Variants in CHLSN observed in about 807,000 individuals in gnomAD.
CHLSN encodes the protein protein cholesin.
At chr7:1,014,916 G>A in the CHLSN span, among the ~76,000 whole-genome samples, 4 of 152,236 alleles carry the variant, frequency 2.6e-5, no homozygotes, top group Admixed American at 2.0e-4. Flanking sequence ...GGCCCTCCCT[G>A]CCCTGCAGGG....
At chr7:1,011,625 TACAC>T in the CHLSN span, among the ~76,000 whole-genome samples, 1 of 122,050 alleles carries the variant, frequency 8.2e-6, no homozygotes, top group Non-Finnish European at 1.7e-5. Context: ...CACACCCAGA[TACAC>T]ACCCAGACAC....
chr7:996,075 G>T, the CHLSN span, among the ~76,000 whole-genome samples: 1 of 152,234 alleles, frequency 6.6e-6, no homozygotes, highest in South Asian at 2.1e-4. Flanking sequence ...TGTCTTCAGG[G>T]AGCTAAGGAG....
chr7:1,040,182 TTAAA>T, the CHLSN span, among the ~76,000 whole-genome samples: 21,742 of 95,950 alleles, frequency 0.23, 3,145 homozygotes, highest in Admixed American at 0.28. Flanking sequence ...AAAAATAAAT[TTAAA>T]AAAAAAAAAA....
the CHLSN span, among the ~76,000 whole-genome samples, chr7:1,098,616 G>A: frequency 6.6e-6 from 1 of 152,028 alleles, no homozygotes; most frequent in African/African-American, 2.4e-5. Flanking sequence ...AAGCAGACAC[G>A]AGTGGAGCTG....
chr7:1,113,725 G>A, the CHLSN span, among the ~76,000 whole-genome samples: 1 of 152,108 alleles, frequency 6.6e-6, no homozygotes, highest in Admixed American at 6.5e-5. Flanking sequence ...CTGATTTTCC[G>A]ACAGCGTGCC....
chr7:1,000,391 G>A, the CHLSN span: 1 of 1,205,964 alleles, frequency 8.3e-7, no homozygotes, highest in Non-Finnish European at 1.1e-6. Context: ...ACACACCTCA[G>A]CCCCCGGGGG....
chr7:1,048,288 G>A, the CHLSN span, among the ~76,000 whole-genome samples: 3 of 152,188 alleles, frequency 2.0e-5, no homozygotes, highest in East Asian at 5.8e-4. Flanking sequence ...AAGCAACAGA[G>A]GAAAGAACTT....
chr7:997,831 C>A, the CHLSN span: 2 of 1,593,292 alleles, frequency 1.3e-6, no homozygotes, highest in South Asian at 2.2e-5. Flanking sequence ...TCGAGTTGGT[C>A]AGGGGCGGGG....
the CHLSN span, among the ~76,000 whole-genome samples, chr7:1,017,571 C>T: frequency 5.9e-5 from 9 of 152,164 alleles, no homozygotes; most frequent in Non-Finnish European, 1.0e-4. Context: ...CTCCACACAG[C>T]GGGGTGGAGG....
chr7:1,064,522 C>T, the CHLSN span, among the ~76,000 whole-genome samples: 11 of 152,158 alleles, frequency 7.2e-5, no homozygotes, highest in African/African-American at 9.7e-5. Flanking sequence ...AGCGCCTAAA[C>T]GCAACACCCT....
chr7:1,002,141 GA>G, the CHLSN span, among the ~76,000 whole-genome samples: 5 of 136,684 alleles, frequency 3.7e-5, no homozygotes, highest in Admixed American at 7.1e-5. Context: ...CCCTGTGGGT[GA>G]GTGGAGTCCT....
chr7:1,071,580 A>G, the CHLSN span, among the ~76,000 whole-genome samples: 1 of 151,866 alleles, frequency 6.6e-6, no homozygotes, highest in Non-Finnish European at 1.5e-5. Context: ...GAGGGAGGAG[A>G]AGTACCACTG....
At chr7:1,030,274 A>G in the CHLSN span, among the ~76,000 whole-genome samples, 1 of 152,138 alleles carries the variant, frequency 6.6e-6, no homozygotes, top group African/African-American at 2.4e-5. Context: ...TGCCGTCTTC[A>G]CCAACGCACC....
At chr7:1,004,353 C>T in the CHLSN span, among the ~76,000 whole-genome samples, 2 of 152,150 alleles carry the variant, frequency 1.3e-5, no homozygotes, top group African/African-American at 2.4e-5. Context: ...CAGCCTGTTT[C>T]CTCCTTGGGA....
At chr7:1,068,824 G>A in the CHLSN span, among the ~76,000 whole-genome samples, 1 of 152,134 alleles carries the variant, frequency 6.6e-6, no homozygotes, top group African/African-American at 2.4e-5. Context: ...CGCATTGTGG[G>A]CTGCAACAAA....
the CHLSN span, among the ~76,000 whole-genome samples, chr7:1,118,210 G>A: frequency 7.9e-5 from 12 of 152,366 alleles, no homozygotes; most frequent in South Asian, 2.5e-3. Context: ...TCATATTAAA[G>A]ATGATCACCT....
At chr7:1,033,065 G>A in the CHLSN span, among the ~76,000 whole-genome samples, 2 of 152,206 alleles carry the variant, frequency 1.3e-5, no homozygotes, top group Admixed American at 1.3e-4. Context: ...CCACTACCTC[G>A]ATACGAGGGA....
At chr7:992,546 A>C in the CHLSN span, among the ~76,000 whole-genome samples, 1 of 152,254 alleles carries the variant, frequency 6.6e-6, no homozygotes, top group South Asian at 2.1e-4. Flanking sequence ...CACAGGGAAC[A>C]CACATGTAGG....
At chr7:1,004,323 C>T in the CHLSN span, among the ~76,000 whole-genome samples, 1 of 152,136 alleles carries the variant, frequency 6.6e-6, no homozygotes, top group Non-Finnish European at 1.5e-5. Context: ...ACTCTCCCAC[C>T]TTGAGCTGCT....
Sources: gnomAD v4.1 joint callset for allele counts (sites outside exome capture counted in the v4.1 genomes callset) on GRCh38, gnomAD v4.1.1 for gene constraint, MANE v1.5 for transcripts, NCBI Gene and HGNC (gene_info 2026-07-23, HGNC 2026-07-21) for gene names.